The following GRIN2B variants were observed in gnomAD, a reference collection of about 807,000 sequenced individuals.
GRIN2B encodes glutamate ionotropic receptor NMDA type subunit 2B.
Under a neutral mutation model 114.5 loss-of-function variants are expected in GRIN2B, and 5 were observed. The observed-to-expected ratio is 0.04, with a 90% CI of 0.02 to 0.09. The LOEUF is 0.09. GRIN2B is among the 10% of genes least tolerant of loss of function. The probability of loss-of-function intolerance (pLI) is 1.00; values close to 1 mark genes in which losing one functional copy is unlikely to be tolerated. For missense variants in GRIN2B, 1,108 were observed against 1,943.5 expected, an observed-to-expected ratio of 0.57 and a Z score of 8.08; for synonymous variants, 787 against 745.1, an observed-to-expected ratio of 1.06 and a Z score of -0.92.
At chr12:13,568,510 A>C (rs1948668759) in intron 12 of GRIN2B, among the ~76,000 whole-genome samples, 2 of 152,224 alleles carry the variant, frequency 1.3e-5, no homozygotes, top group Non-Finnish European at 2.9e-5. Flanking sequence ...ACTCCAGCTA[A>C]AACATCCTCC....
intron 4 of GRIN2B, among the ~76,000 whole-genome samples, chr12:13,709,048 C>G (rs965961732): frequency 3.9e-5 from 6 of 151,964 alleles, no homozygotes; most frequent in African/African-American, 1.4e-4. Context: ...GGTTCTGGTT[C>G]CAGATAAGAT....
chr12:13,967,976 C>T (rs374513590), intron 2 of GRIN2B, among the ~76,000 whole-genome samples: 1 of 152,190 alleles, frequency 6.6e-6, no homozygotes, highest in South Asian at 2.1e-4. Flanking sequence ...AAAAGATAAG[C>T]CTGGAAAAAA....
intron 4 of GRIN2B, among the ~76,000 whole-genome samples, chr12:13,723,047 T>G (rs1862907468): frequency 6.6e-6 from 1 of 152,016 alleles, no homozygotes; most frequent in Non-Finnish European, 1.5e-5. Flanking sequence ...AGCAGGACAC[T>G]AGTGAAGGAA....
intron 3 of GRIN2B, among the ~76,000 whole-genome samples, chr12:13,778,006 G>GA (rs575445986): frequency 3.0e-4 from 46 of 152,244 alleles, no homozygotes; most frequent in African/African-American, 1.0e-3. Context: ...ACACAAAGGA[G>GA]AAAAAAATCT....
intron 2 of GRIN2B, among the ~76,000 whole-genome samples, chr12:13,928,694 C>A (rs759060787): frequency 2.6e-5 from 4 of 152,174 alleles, no homozygotes; most frequent in Non-Finnish European, 4.4e-5. Flanking sequence ...TACACAATGA[C>A]AAAGAGAAGG....
In GRIN2B at chr12:13,544,741, C is replaced by A. The variant is rs1351250873; in HGVS notation, c.*18042G>T. ...ATCAGCAAACTGTGTGATATCGATTCTTTAAAACATTTCTGGAATCCAACT... is the reference window on the plus strand; with the variant it reads ...ATCAGCAAACTGTGTGATATCGATTATTTAAAACATTTCTGGAATCCAACT... On this transcript the variant is annotated 3_prime_UTR_variant, in exon 14 of 14. Transcript: ENST00000609686. 1 of 152,172 alleles carries A rather than the reference C, an allele frequency of 6.6e-6. No homozygotes were observed. Among genetic ancestry groups the A allele is most frequent in the Non-Finnish European group, 1.5e-5 (1 of 68,054 alleles). 9.4% of individuals were successfully genotyped at this position (152,172 alleles called of 1,614,324 possible). A position where few individuals can be genotyped will look rare whatever the true frequency, so the allele number is the denominator to read the frequency against.
chr12:13,597,471 G>A (rs1306450568), intron 10 of GRIN2B, among the ~76,000 whole-genome samples: 1 of 152,212 alleles, frequency 6.6e-6, no homozygotes, highest in African/African-American at 2.4e-5. Context: ...AAGGGAGAGT[G>A]CCTTGGATTG....
intron 2 of GRIN2B, among the ~76,000 whole-genome samples, chr12:13,917,710 C>T (rs1033716627): frequency 8.5e-5 from 13 of 152,248 alleles, no homozygotes; most frequent in African/African-American, 2.6e-4. Flanking sequence ...TCACAGAAAA[C>T]GATATAATAT....
chr12:13,588,674 C>T (rs538014105), intron 10 of GRIN2B, among the ~76,000 whole-genome samples: 1 of 152,278 alleles, frequency 6.6e-6, no homozygotes, highest in Admixed American at 6.5e-5. Context: ...TCTACCTGAC[C>T]ACATACTGCA....
At chr12:13,847,101 T>A (rs984731092) in intron 3 of GRIN2B, among the ~76,000 whole-genome samples, 1 of 152,328 alleles carries the variant, frequency 6.6e-6, no homozygotes, top group South Asian at 2.1e-4. Context: ...AGTCCAGGTC[T>A]GTCTGGGCCT....
intron 3 of GRIN2B, among the ~76,000 whole-genome samples, chr12:13,792,997 A>G (rs1272857057): frequency 6.6e-6 from 1 of 152,234 alleles, no homozygotes; most frequent in African/African-American, 2.4e-5. Flanking sequence ...AATATTATAC[A>G]ATCACAAAGT....
At chr12:13,804,847 C>A (rs1864574703) in intron 3 of GRIN2B, among the ~76,000 whole-genome samples, 1 of 152,046 alleles carries the variant, frequency 6.6e-6, no homozygotes, top group African/African-American at 2.4e-5. Context: ...GGAAAATGAA[C>A]CAACCAGGTT....
chr12:13,704,196 G>C (rs1365717542), intron 4 of GRIN2B, among the ~76,000 whole-genome samples: 1 of 152,164 alleles, frequency 6.6e-6, no homozygotes, highest in Non-Finnish European at 1.5e-5. Context: ...GGCTGACAGT[G>C]ACATGGATGC....
intron 4 of GRIN2B, among the ~76,000 whole-genome samples, chr12:13,681,198 T>C (rs1245169302): frequency 2.0e-5 from 3 of 152,176 alleles, no homozygotes; most frequent in Admixed American, 6.5e-5. Flanking sequence ...TTACAAGCAC[T>C]AGATTTTTAA....
intron 3 of GRIN2B, among the ~76,000 whole-genome samples, chr12:13,767,022 C>A (rs965503792): frequency 6.6e-6 from 1 of 152,016 alleles, no homozygotes; most frequent in African/African-American, 2.4e-5. Flanking sequence ...TTTGGGAGGC[C>A]GAGGCGGGTG....
chr12:13,700,903 G>A (rs1950305748), intron 4 of GRIN2B, among the ~76,000 whole-genome samples: 1 of 152,202 alleles, frequency 6.6e-6, no homozygotes, highest in African/African-American at 2.4e-5. Context: ...TTGGTGAGGT[G>A]TATTAATCTG....
intron 2 of GRIN2B, among the ~76,000 whole-genome samples, chr12:13,902,640 G>A (rs377420930): frequency 1.3e-5 from 2 of 151,964 alleles, no homozygotes; most frequent in Non-Finnish European, 2.9e-5. Flanking sequence ...GTGAAACCCC[G>A]TCTCTACTGA....
intron 3 of GRIN2B, among the ~76,000 whole-genome samples, chr12:13,854,909 A>C (rs1300400715): frequency 1.3e-5 from 2 of 151,858 alleles, no homozygotes. Flanking sequence ...TTACTTAATA[A>C]CCTCAAGAAA....
chr12:13,680,903 G>A (rs895644219), intron 4 of GRIN2B, among the ~76,000 whole-genome samples: 22 of 152,194 alleles, frequency 1.4e-4, no homozygotes, highest in African/African-American at 5.3e-4. Flanking sequence ...TGCTTGTTGA[G>A]AAAGAGCCTC....
Sources: gnomAD v4.1 joint callset for allele counts (sites outside exome capture counted in the v4.1 genomes callset) on GRCh38, gnomAD v4.1.1 for gene constraint, MANE v1.5 for transcripts, NCBI Gene and HGNC (gene_info 2026-07-23, HGNC 2026-07-21) for gene names.